Variants in FHIT observed in about 807,000 individuals in gnomAD.
FHIT encodes fragile histidine triad diadenosine triphosphatase, also known as bis(5'-adenosyl)-triphosphatase.
FHIT carries 19 observed loss-of-function variants against 17.9 expected under a neutral mutation model. The observed-to-expected ratio is 1.06, with a 90% confidence interval of 0.74 to 1.56. The LOEUF (loss-of-function observed/expected upper bound fraction) is 1.56. Ranked by LOEUF, FHIT falls within the 40% of genes most tolerant of loss-of-function variation. The pLI is 0.00. For missense variants in FHIT, 248 were observed against 189.2 expected (o/e 1.31, Z -1.82); for synonymous variants, 81 against 69.7 (o/e 1.16, Z -0.81).
rs1220817643 is a variant in FHIT at position 60,660,727 on chromosome 3, C to CTTTTTTTTTTTTTTTTTTTTTTT, written c.-17-123749_-17-123748insAAAAAAAAAAAAAAAAAAAAAAA. ...ATGATGTGGAATATCTTTTATTGTG[C>CTTTTTTTTTTTTTTTTTTTTTTT]TCTTTTTTTTTTTTTTTTTTTTTGC... On this transcript the variant is annotated intron_variant, in intron 4 of 9. Transcript: ENST00000492590. Among the ~76,000 whole-genome samples, 12 of 16,754 alleles carry CTTTTTTTTTTTTTTTTTTTTTTT rather than the reference C, an allele frequency of 7.2e-4. 1 individual carries two copies. The highest frequency in any genetic ancestry group is 1.4e-3 in the African/African-American group (10 of 7,342). 11.0% of individuals were successfully genotyped at this position (16,754 alleles called of 152,430 possible).
At chr3:60,937,951 G>C (rs1199125742) in intron 3 of FHIT, among the ~76,000 whole-genome samples, 1 of 151,990 alleles carries the variant, frequency 6.6e-6, no homozygotes, top group African/African-American at 2.4e-5. Context: ...AATCCCTGTC[G>C]CTGGAACAAG....
At chr3:59,977,539 G>A (rs2107414482) in intron 7 of FHIT, among the ~76,000 whole-genome samples, 1 of 152,256 alleles carries the variant, frequency 6.6e-6, no homozygotes, top group Admixed American at 6.5e-5. Flanking sequence ...GCCTCGAAGA[G>A]GTTATCACAC....
At chr3:60,768,247 T>C (rs371478303) in intron 4 of FHIT, among the ~76,000 whole-genome samples, 3 of 152,102 alleles carry the variant, frequency 2.0e-5, no homozygotes, top group South Asian at 2.1e-4. Context: ...CATGGGCTCA[T>C]GAATGAGGCA....
chr3:60,116,941 T>C (rs7634772), intron 5 of FHIT, among the ~76,000 whole-genome samples: 29,486 of 151,976 alleles, frequency 0.19, 3,393 homozygotes, highest in African/African-American at 0.32. Flanking sequence ...GTTACGGAAA[T>C]ATTGTACAAA....
intron 4 of FHIT, among the ~76,000 whole-genome samples, chr3:60,766,097 T>G (rs1553721363): frequency 6.6e-6 from 1 of 152,172 alleles, no homozygotes; most frequent in Non-Finnish European, 1.5e-5. Context: ...TGCCTTGTAA[T>G]GGTGTGAGCC....
At chr3:61,091,371 C>A (rs376083764) in intron 2 of FHIT, among the ~76,000 whole-genome samples, 5 of 152,106 alleles carry the variant, frequency 3.3e-5, no homozygotes, top group East Asian at 1.9e-4. Context: ...GACACGTAAC[C>A]TTCCTAAGTC....
intron 5 of FHIT, among the ~76,000 whole-genome samples, chr3:60,359,915 A>G (rs1222939966): frequency 6.6e-6 from 1 of 152,158 alleles, no homozygotes; most frequent in Non-Finnish European, 1.5e-5. Flanking sequence ...GATCCTTAAA[A>G]GCAATTAGCA....
At chr3:60,778,849 C>T (rs1553725082) in intron 4 of FHIT, among the ~76,000 whole-genome samples, 1 of 152,132 alleles carries the variant, frequency 6.6e-6, no homozygotes, top group Non-Finnish European at 1.5e-5. Context: ...CAATAAAAGC[C>T]CCATGGGGAA....
At chr3:60,472,800 GC>G in intron 5 of FHIT, among the ~76,000 whole-genome samples, 1 of 152,140 alleles carries the variant, frequency 6.6e-6, no homozygotes, top group Admixed American at 6.5e-5. Flanking sequence ...GTGTCCCAAA[GC>G]CCCCAATCCC....
intron 3 of FHIT, among the ~76,000 whole-genome samples, chr3:60,988,271 C>G (rs1161496251): frequency 6.6e-6 from 1 of 152,078 alleles, no homozygotes; most frequent in Non-Finnish European, 1.5e-5. Context: ...TAGTTATATG[C>G]CACATGAAAA....
At chr3:59,923,160 G>T (rs1306133968) in intron 7 of FHIT, among the ~76,000 whole-genome samples, 1 of 147,266 alleles carries the variant, frequency 6.8e-6, no homozygotes, top group Admixed American at 6.9e-5. Flanking sequence ...AGGAGGCGGA[G>T]CTTGCAGTGA....
rs575841739 is a variant in FHIT, at chr3:60,155,272, T to C, written c.104-141120A>G. Among the ~76,000 whole-genome samples the C allele has an allele frequency of 1.5e-4, 23 of 152,260 alleles. No homozygotes were observed. In the Middle Eastern group the frequency reaches 0.01, roughly 68 times the overall value. On this transcript the variant is annotated intron_variant, in intron 5 of 9. Coordinates refer to ENST00000492590, the MANE Select transcript of FHIT (RefSeq NM_002012.4). Reference sequence around the variant, plus strand: ...TCAGTCACACGGCTGTCAGTGCTTTTTCTTTCTCTTGTCTGTGTACTTTCC... The same window carrying C: ...TCAGTCACACGGCTGTCAGTGCTTTCTCTTTCTCTTGTCTGTGTACTTTCC...
intron 5 of FHIT, among the ~76,000 whole-genome samples, chr3:60,208,433 A>T (rs1703300921): frequency 6.6e-6 from 1 of 152,212 alleles, no homozygotes; most frequent in Non-Finnish European, 1.5e-5. Context: ...ATCATATAAA[A>T]GTCAAACTTT....
intron 5 of FHIT, among the ~76,000 whole-genome samples, chr3:60,321,727 T>C (rs1324206413): frequency 6.6e-6 from 1 of 152,190 alleles, no homozygotes; most frequent in East Asian, 1.9e-4. Flanking sequence ...GTATAAATAA[T>C]AGAAATTTAT....
intron 4 of FHIT, among the ~76,000 whole-genome samples, chr3:60,814,743 C>T (rs1288568260): frequency 1.3e-5 from 2 of 152,070 alleles, no homozygotes; most frequent in Non-Finnish European, 2.9e-5. Context: ...ATTGCTGGAT[C>T]GAATGGTAGT....
chr3:60,113,817 T>A (rs1021667673), intron 5 of FHIT, among the ~76,000 whole-genome samples: 6 of 149,614 alleles, frequency 4.0e-5, no homozygotes, highest in African/African-American at 1.2e-4. Flanking sequence ...CTGGTTAACA[T>A]GGTGAAACCC....
chr3:61,049,225 G>C (rs530596551), intron 2 of FHIT, among the ~76,000 whole-genome samples: 3 of 150,742 alleles, frequency 2.0e-5, no homozygotes, highest in Non-Finnish European at 4.4e-5. Context: ...ATAACTTCTA[G>C]TTGGTAACCA....
intron 4 of FHIT, among the ~76,000 whole-genome samples, chr3:60,712,490 TAA>T (rs1279989519): frequency 6.6e-6 from 1 of 151,112 alleles, no homozygotes; most frequent in Non-Finnish European, 1.5e-5. Context: ...GCAAACTGGA[TAA>T]AGAGTCAAGA....
At chr3:60,857,537 T>G in intron 3 of FHIT, among the ~76,000 whole-genome samples, 1 of 152,012 alleles carries the variant, frequency 6.6e-6, no homozygotes, top group East Asian at 1.9e-4. Context: ...AGATAATACA[T>G]GGAAAGCTTT....
Sources: gnomAD v4.1 joint callset for allele counts (sites outside exome capture counted in the v4.1 genomes callset) on GRCh38, gnomAD v4.1.1 for gene constraint, MANE v1.5 for transcripts, NCBI Gene and HGNC (gene_info 2026-07-23, HGNC 2026-07-21) for gene names.